The following HMCN1 variants were observed in gnomAD, a reference collection of about 807,000 sequenced individuals.
HMCN1 encodes the protein hemicentin 1.
Under a neutral mutation model 625.9 loss-of-function variants are expected in HMCN1, and 321 were observed. That is an observed-to-expected ratio of 0.51 (90% CI 0.47 to 0.56). The LOEUF (loss-of-function observed/expected upper bound fraction) is 0.56, where lower values mean the gene tolerates loss of function less well. Among genes scored for constraint, HMCN1 ranks in the 20% least tolerant of loss-of-function variants. The pLI, the probability that HMCN1 is intolerant of heterozygous loss-of-function variation, is 0.00. For missense variants in HMCN1, 6,588 were observed against 6,887.3 expected, an observed-to-expected ratio of 0.96 and a Z score of 1.54; for synonymous variants, 2,425 against 2,417.6, an observed-to-expected ratio of 1.00 and a Z score of -0.09.
chr1:186,125,225 C>T (rs1661587135), intron 81 of HMCN1, among the ~76,000 whole-genome samples: 2 of 151,988 alleles, frequency 1.3e-5, no homozygotes. Flanking sequence ...TAATATACAG[C>T]AGTTACGCAA....
intron 6 of HMCN1, among the ~76,000 whole-genome samples, chr1:185,917,757 T>G (rs149610078): frequency 1.3e-5 from 2 of 152,318 alleles, no homozygotes; most frequent in East Asian, 3.9e-4. Flanking sequence ...CAGGCCTTCT[T>G]CGCCTTTAAA....
chr1:185,960,883 T>G (rs1649971670), intron 11 of HMCN1, among the ~76,000 whole-genome samples: 1 of 152,200 alleles, frequency 6.6e-6, no homozygotes, highest in Non-Finnish European at 1.5e-5. Context: ...ATCTGCATCA[T>G]CCCTACAGCA....
chr1:185,912,728 G>A (rs910514271), intron 6 of HMCN1, among the ~76,000 whole-genome samples: 3 of 152,082 alleles, frequency 2.0e-5, no homozygotes, highest in African/African-American at 7.2e-5. Flanking sequence ...GGTGTCCACT[G>A]TGGGAACAGG....
intron 1 of HMCN1, among the ~76,000 whole-genome samples, chr1:185,803,627 A>G (rs1658971522): frequency 6.6e-6 from 1 of 152,148 alleles, no homozygotes; most frequent in Admixed American, 6.5e-5. Flanking sequence ...ACTTTTGAAT[A>G]GTTAGTACCT....
chr1:186,098,921 G>A (rs998285832), intron 68 of HMCN1, among the ~76,000 whole-genome samples: 1 of 152,032 alleles, frequency 6.6e-6, no homozygotes, highest in Admixed American at 6.6e-5. Flanking sequence ...AATTAGCCAG[G>A]CACAGAAAGA....
chr1:185,865,640 T>A, intron 3 of HMCN1, 101 bp from the exon 4 acceptor site: 4 of 820,594 alleles, frequency 4.9e-6, no homozygotes, highest in Admixed American at 2.1e-5. Flanking sequence ...CATTCACATA[T>A]TCTACTTGCC....
chr1:186,117,385 TGA>T, intron 76 of HMCN1, 72 bp from the exon 77 acceptor site: 1 of 1,522,410 alleles, frequency 6.6e-7, no homozygotes, highest in South Asian at 1.1e-5. Context: ...AGAGGATGTA[TGA>T]TAAGTCTTTG....
chr1:186,090,884 A>T lies in HMCN1; in HGVS notation c.9854A>T (p.Lys3285Met), dbSNP rs1659802741. ...TPLIQWLKDG[K>M]PIASGETERI... ...CTTATTCAATGGCTTAAAGATGGAA[A>T]GCCCATAGCTAGTGGTGAAACAGAA... Residue 3285 changes from lysine (K) to methionine (M), a missense_variant, in exon 64 of 107, where the codon AAG becomes ATG. This residue lies in a region of HMCN1 where 4,628 missense variants were observed against 4,853.1 expected (regional missense o/e 0.95). Transcript: ENST00000271588. 1 of 1,612,322 alleles carries T rather than the reference A, an allele frequency of 6.2e-7. No individual in the cohort carries two copies.
intron 1 of HMCN1, among the ~76,000 whole-genome samples, chr1:185,791,457 C>T (rs1657987487): frequency 6.6e-6 from 1 of 152,080 alleles, no homozygotes; most frequent in Non-Finnish European, 1.5e-5. Context: ...CGGCGGCTGA[C>T]AATTGTAATC....
chr1:186,166,282 G>A lies in HMCN1; in HGVS notation c.15418G>A (p.Ala5140Thr), dbSNP rs958437239. 4 of 1,614,136 alleles carry A rather than the reference G, an allele frequency of 2.5e-6. No individual in the cohort carries two copies. The Admixed American group carries it at 5.0e-5, about 20-fold the overall frequency. ...CSCPKGLTIA[A>T]DGRTCQDIDE... is the part of the protein sequence containing the mutation. The stretch of plus-strand genomic sequence containing the variant: ...CTGCCCTAAAGGCCTCACCATAGCT[G>A]CAGATGGAAGAACTTGTCAAGGTAT... The change falls in exon 99 of 107, where the codon GCA becomes ACA. Residue 5140 changes from alanine (A) to threonine (T), a missense_variant. Physicochemically the swap from Ala to Thr is moderately conservative, Grantham distance 58. This residue lies in a region of HMCN1 where 1,954 missense variants were observed against 2,013.1 expected (regional missense o/e 0.97). Transcript: ENST00000271588.
At chr1:185,768,397 A>G (rs1312305426) in intron 1 of HMCN1, among the ~76,000 whole-genome samples, 2 of 152,198 alleles carry the variant, frequency 1.3e-5, no homozygotes, top group Non-Finnish European at 2.9e-5. Flanking sequence ...GAAAGCATGT[A>G]AAAACAGGTG....
Position 185,912,179 on chromosome 1 carries a change from G to A in HMCN1, c.900+399G>A, listed in dbSNP as rs762783024. 4.1e-4 allele frequency among the ~76,000 whole-genome samples: 63 copies of A among 152,260 alleles called. 1 individual carries two copies. The highest frequency in any genetic ancestry group is 2.0e-4 in the Admixed American group (3 of 15,286). Reference sequence around the variant, plus strand: ...CACGCCTTAACGGCTGCACTGCCTGGGGAGCAGAACTTCTCTGTGCATGGC... The same window carrying A: ...CACGCCTTAACGGCTGCACTGCCTGAGGAGCAGAACTTCTCTGTGCATGGC... On this transcript the variant is annotated intron_variant, in intron 6 of 106. Coordinates refer to ENST00000271588, the MANE Select transcript of HMCN1 (RefSeq NM_031935.3).
intron 1 of HMCN1, among the ~76,000 whole-genome samples, chr1:185,773,041 C>T (rs1415570063): frequency 6.6e-6 from 1 of 152,174 alleles, no homozygotes; most frequent in Non-Finnish European, 1.5e-5. Flanking sequence ...GTTTCCAGCA[C>T]ATGAATTTTG....
chr1:186,167,810 G>A (rs894313009), intron 100 of HMCN1, among the ~76,000 whole-genome samples: 1 of 152,164 alleles, frequency 6.6e-6, no homozygotes, highest in African/African-American at 2.4e-5. Context: ...TTCATGGCTT[G>A]ATAGTTCATT....
intron 59 of HMCN1, 45 bp downstream of exon 59, chr1:186,087,375 G>A (rs777047680): frequency 1.3e-6 from 2 of 1,597,398 alleles, no homozygotes; most frequent in South Asian, 1.1e-5. Flanking sequence ...TTTAAAACTG[G>A]TATTCAATAT....
Position 186,082,900 on chromosome 1 carries a change from T to C in HMCN1, c.8823T>C (p.Tyr2941=). 6.3e-7 allele frequency: 1 copy of C among 1,595,020 alleles called. No homozygotes were observed. Among genetic ancestry groups the C allele is most frequent in the Non-Finnish European group, 8.6e-7 (1 of 1,169,338 alleles). Residue 2941 remains tyrosine, a synonymous_variant, in exon 57 of 107, where the codon TAT becomes TAC. Coordinates refer to ENST00000271588, the MANE Select transcript of HMCN1 (RefSeq NM_031935.3). ...CTCAAATAACAGATATCGGCAGGTA[T>C]GTGTGTGTTGCTGAGAACACAGCTG... ...LNTQITDIGR[Y]VCVAENTAGS...
intron 71 of HMCN1, 38 bp from the exon 72 acceptor site, chr1:186,112,774 A>G (rs774827491): frequency 1.2e-6 from 2 of 1,612,402 alleles, no homozygotes; most frequent in Non-Finnish European, 1.7e-6. Context: ...TCTTTTCCTG[A>G]CATTTTAACG....
At chr1:186,058,191 A>G (rs1476949588) in intron 46 of HMCN1, among the ~76,000 whole-genome samples, 1 of 151,998 alleles carries the variant, frequency 6.6e-6, no homozygotes, top group East Asian at 1.9e-4. Context: ...ATGCTAATTT[A>G]TGATCTCTTT....
chr1:186,126,165 G>GA lies in HMCN1; in HGVS notation c.12690+376dup, dbSNP rs200533366. Among the ~76,000 whole-genome samples the GA allele has an allele frequency of 2.8e-3, 423 of 151,904 alleles. 7 individuals are homozygous for GA. The highest frequency in any genetic ancestry group is 9.9e-3 in the African/African-American group (409 of 41,440). The stretch of plus-strand genomic sequence containing the variant: ...TTTCAATTCTTTAGTGCTTCAAGGG[G>GA]AAAAATGTTAAACTTTTTTAAAAAA... On this transcript the variant is annotated intron_variant, in intron 82 of 106. Transcript: ENST00000271588.
Sources: allele counts gnomAD v4.1 joint callset (sites outside exome capture counted in the v4.1 genomes callset), GRCh38; gene constraint gnomAD v4.1.1; regional missense constraint gnomAD v4.1.1; transcripts MANE v1.5; gene names NCBI Gene and HGNC (gene_info 2026-07-23, HGNC 2026-07-21).